MAST2: variants seen among roughly 807,000 people sequenced by gnomAD.
The protein encoded by MAST2 is microtubule-associated serine/threonine-protein kinase 2.
A neutral mutation model predicts 147.4 loss-of-function variants in MAST2; 70 were observed. That is an observed-to-expected ratio of 0.47 (90% CI 0.39 to 0.58). The LOEUF (loss-of-function observed/expected upper bound fraction) is 0.58. Ranked by LOEUF, MAST2 falls within the 20% of genes least tolerant of loss-of-function variation. MAST2 has a pLI of 0.00. For synonymous variants in MAST2, 869 were observed against 896.8 expected (o/e 0.97, Z 0.55); for missense variants, 2,080 against 2,302.3 (o/e 0.90, Z 1.98).
chr1:45,811,338 A>T (rs867087918), intron 1 of MAST2, among the ~76,000 whole-genome samples: 273 of 112,826 alleles, frequency 2.4e-3, no homozygotes, highest in Middle Eastern at 5.7e-3. Flanking sequence ...GTATTTTTGT[A>T]TTTTTTTTTT....
chr1:45,974,143 C>A (rs1226491030), intron 5 of MAST2, among the ~76,000 whole-genome samples: 1 of 152,014 alleles, frequency 6.6e-6, no homozygotes, highest in Non-Finnish European at 1.5e-5. Flanking sequence ...GCACAGTGTC[C>A]TTCTATAGTT....
intron 4 of MAST2, among the ~76,000 whole-genome samples, chr1:45,935,488 A>G (rs1570800958): frequency 6.6e-6 from 1 of 152,210 alleles, no homozygotes; most frequent in East Asian, 1.9e-4. Flanking sequence ...CCAGAGTGGT[A>G]TATTTTAGGG....
chr1:45,963,537 A>C (rs1336472046), intron 5 of MAST2, among the ~76,000 whole-genome samples: 2 of 152,114 alleles, frequency 1.3e-5, no homozygotes, highest in Admixed American at 6.5e-5. Context: ...TGTGAATGGG[A>C]GTTCACTCAT....
chr1:45,954,556 G>C (rs1659390201), intron 4 of MAST2, among the ~76,000 whole-genome samples: 1 of 152,162 alleles, frequency 6.6e-6, no homozygotes, highest in Non-Finnish European at 1.5e-5. Context: ...CCCGTCCGCT[G>C]AGAGTTAGTG....
intron 4 of MAST2, among the ~76,000 whole-genome samples, chr1:45,914,305 C>A (rs1422973823): frequency 6.6e-6 from 1 of 152,202 alleles, no homozygotes; most frequent in Non-Finnish European, 1.5e-5. Flanking sequence ...GACCTCAGAT[C>A]TGCCCTTGCA....
chr1:45,949,940 C>T (rs931641964), intron 4 of MAST2, among the ~76,000 whole-genome samples: 6 of 152,052 alleles, frequency 3.9e-5, no homozygotes, highest in African/African-American at 7.2e-5. Flanking sequence ...CTGGAGGCTA[C>T]GATCCTAAGT....
At chr1:45,943,885 G>A (rs1040831653) in intron 4 of MAST2, among the ~76,000 whole-genome samples, 1 of 152,192 alleles carries the variant, frequency 6.6e-6, no homozygotes, top group Non-Finnish European at 1.5e-5. Flanking sequence ...ACAAGCCTTT[G>A]TAATGAAGTA....
In MAST2 at chr1:46,032,644, G is replaced by A; in HGVS notation, c.3463G>A (p.Asp1155Asn). The change falls in exon 26 of 29, where the codon GAC becomes AAC. Residue 1155 changes from aspartate (D) to asparagine (N), a missense_variant. Physicochemically the swap from Asp to Asn is conservative, Grantham distance 23 (BLOSUM62 1). Transcript: ENST00000361297. ...CAGTGAGGCAGGGCTTCGTCAAGGT[G>A]ACCTCATCACCCATGTCAATGGGGA... ...PASEAGLRQG[D>N]LITHVNGEPV... is the part of the protein sequence containing the mutation. 2 of 1,614,188 alleles carry A rather than the reference G, an allele frequency of 1.2e-6. No individual in the cohort carries two copies. Among genetic ancestry groups the A allele is most frequent in the Non-Finnish European group, 1.7e-6 (2 of 1,180,030 alleles).
At chr1:45,872,773 G>A (rs932825342) in intron 3 of MAST2, among the ~76,000 whole-genome samples, 6 of 151,954 alleles carry the variant, frequency 3.9e-5, no homozygotes, top group East Asian at 1.9e-4. Flanking sequence ...GAGCCACCAC[G>A]CCTGGCCATG....
chr1:45,919,379 TAGA>T (rs1209423218), intron 4 of MAST2, among the ~76,000 whole-genome samples: 1 of 152,156 alleles, frequency 6.6e-6, no homozygotes. Context: ...AGAAGTATCT[TAGA>T]AGCCAGTTGA....
At chr1:45,852,080 A>G (rs780072005) in intron 3 of MAST2, among the ~76,000 whole-genome samples, 7 of 152,160 alleles carry the variant, frequency 4.6e-5, no homozygotes, top group Non-Finnish European at 1.0e-4. Flanking sequence ...CTATAATACA[A>G]TATTAAAACC....
chr1:46,019,552 C>A (rs1166577141), intron 10 of MAST2, 44 bp from the exon 11 acceptor site: 1 of 1,511,006 alleles, frequency 6.6e-7, no homozygotes, highest in Admixed American at 1.7e-5. Flanking sequence ...CTTAGCCCAG[C>A]CACACTGGGC....
intron 4 of MAST2, among the ~76,000 whole-genome samples, chr1:45,903,908 T>TA (rs1650220090): frequency 6.6e-6 from 1 of 152,218 alleles, no homozygotes; most frequent in Non-Finnish European, 1.5e-5. Flanking sequence ...AGTAAATGTG[T>TA]ATTGTTTTAG....
At chr1:45,923,295 C>T (rs572407400) in intron 4 of MAST2, among the ~76,000 whole-genome samples, 59 of 152,300 alleles carry the variant, frequency 3.9e-4, no homozygotes, top group African/African-American at 1.3e-3. Flanking sequence ...CCGGAAGACC[C>T]GTGTCCTGCA....
At chr1:45,888,663 C>CTTCTTTTTTTTTTTTTTTTT (rs1647204826) in intron 4 of MAST2, among the ~76,000 whole-genome samples, 1 of 48,686 alleles carries the variant, frequency 2.1e-5, no homozygotes, top group Non-Finnish European at 3.9e-5. Flanking sequence ...CGCGCGGCCT[C>CTTCTTTTTTTTTTTTTTTTT]TTTTTTTTTT....
intron 5 of MAST2, among the ~76,000 whole-genome samples, chr1:45,971,978 A>G (rs1046800704): frequency 1.3e-5 from 2 of 152,176 alleles, no homozygotes; most frequent in African/African-American, 4.8e-5. Context: ...TTCTGGAACT[A>G]AGAGTGTGCC....
chr1:45,988,601 G>C (rs1002552333), intron 5 of MAST2, among the ~76,000 whole-genome samples: 7 of 152,164 alleles, frequency 4.6e-5, no homozygotes, highest in African/African-American at 1.7e-4. Flanking sequence ...ATTATGTCAA[G>C]TTTGTTGGTA....
At position 45,808,535 on chromosome 1, in the gene MAST2, C is replaced by T. The variant is rs182473107; in HGVS notation, c.177+4463C>T. Among the ~76,000 whole-genome samples the T allele has an allele frequency of 7.2e-5, 11 of 152,220 alleles. No homozygotes were observed. The East Asian group carries it at 2.1e-3, about 29-fold the overall frequency. On this transcript the variant is annotated intron_variant, in intron 1 of 28. Coordinates refer to ENST00000361297, the MANE Select transcript of MAST2 (RefSeq NM_015112.3). ...ACATCTGTAGTCTTTTACTTCTTCT[C>T]CTTTGACTCCCTTAGCCAGTCTGGC...
chr1:46,030,185 G>C lies in MAST2; in HGVS notation c.2500G>C (p.Asp834His). 6.2e-7 allele frequency: 1 copy of C among 1,614,242 alleles called. No homozygotes were observed. Among genetic ancestry groups the C allele is most frequent in the South Asian group, 1.1e-5 (1 of 91,080 alleles). ...DSEDEEEVSEDGCLEIRQFSS... is the reference protein window; with the variant it reads ...DSEDEEEVSEHGCLEIRQFSS... ...GGAGGATGAGGAAGAAGTGAGTGAG[G>C]ATGGCTGCCTTGAGATCCGCCAGTT... The change falls in exon 21 of 29, where the codon GAT becomes CAT. Residue 834 changes from aspartate (D) to histidine (H), a missense_variant. By Grantham distance (81) the Asp-to-His change is moderately conservative. Transcript: ENST00000361297.
Sources: allele counts gnomAD v4.1 joint callset (sites outside exome capture counted in the v4.1 genomes callset), GRCh38; gene constraint gnomAD v4.1.1; transcripts MANE v1.5; gene names NCBI Gene and HGNC (gene_info 2026-07-23, HGNC 2026-07-21).